The following UPF2 variants were observed in gnomAD, a reference collection of about 807,000 sequenced individuals.
UPF2 encodes UPF2 regulator of nonsense mediated mRNA decay, also known as regulator of nonsense transcripts 2.
UPF2 carries 17 observed loss-of-function variants against 141.4 expected under a neutral mutation model. The ratio of observed to expected loss-of-function variants is 0.12; its 90% CI spans 0.08 to 0.18. The LOEUF is 0.18. UPF2 is among the 10% of genes least tolerant of loss of function. UPF2 has a pLI of 1.00. For missense variants in UPF2, 1,152 were observed against 1,515.9 expected (o/e 0.76, Z 3.99); for synonymous variants, 540 against 498.0 (o/e 1.08, Z -1.12).
chr10:11,960,923 C>A (rs1833230437), intron 11 of UPF2, among the ~76,000 whole-genome samples: 1 of 151,880 alleles, frequency 6.6e-6, no homozygotes, highest in Non-Finnish European at 1.5e-5. Flanking sequence ...GAGACCCTGT[C>A]TCTATAAAAT....
intron 16 of UPF2, among the ~76,000 whole-genome samples, chr10:11,946,925 C>T (rs1263365057): frequency 6.6e-6 from 1 of 152,200 alleles, no homozygotes; most frequent in South Asian, 2.1e-4. Flanking sequence ...GAATCATGGG[C>T]CAAATGCGGC....
At chr10:12,031,168 C>T (rs1163414237) in intron 2 of UPF2, among the ~76,000 whole-genome samples, 1 of 129,710 alleles carries the variant, frequency 7.7e-6, no homozygotes, top group Non-Finnish European at 1.6e-5. Context: ...AGCAAGACTC[C>T]ATCTCAAAAA....
rs1437621923 is a variant in UPF2 at position 11,939,535 on chromosome 10, C to T, written c.3379-2823G>A. Among the ~76,000 whole-genome samples, 6 of 146,888 alleles carry T rather than the reference C, an allele frequency of 4.1e-5. No individual in the cohort carries two copies. Among genetic ancestry groups the T allele is most frequent in the Admixed American group, 1.4e-4 (2 of 14,606 alleles). On this transcript the variant is annotated intron_variant, in intron 18 of 21. Transcript: ENST00000357604. The surrounding 1 kb of genome is among the most constrained non-coding windows in gnomAD (Gnocchi z 4.8). ...GTTTTATCTTTTTTTTTTTTTAAGA[C>T]GAAGTCTCGCTCTTGTCTCCCCCGG...
intron 18 of UPF2, among the ~76,000 whole-genome samples, chr10:11,941,235 G>C (rs1402659474): frequency 3.9e-5 from 6 of 152,130 alleles, no homozygotes; most frequent in African/African-American, 1.4e-4. Flanking sequence ...TGAGTAAATG[G>C]CTACTGATTT....
At chr10:11,963,864 A>G (rs1833277696) in intron 11 of UPF2, 145 bp downstream of exon 11, 3 of 580,604 alleles carry the variant, frequency 5.2e-6, no homozygotes, top group African/African-American at 1.9e-5. Context: ...ATTGCAACTC[A>G]TATGTATGGG....
chr10:11,993,053 G>C (rs928956731), intron 8 of UPF2, among the ~76,000 whole-genome samples: 6 of 151,336 alleles, frequency 4.0e-5, no homozygotes, highest in Non-Finnish European at 7.4e-5. Context: ...GTGAGGCTTA[G>C]GTGGGAGAAT....
At chr10:12,032,600 T>C (rs1288209800) in intron 2 of UPF2, among the ~76,000 whole-genome samples, 1 of 151,966 alleles carries the variant, frequency 6.6e-6, no homozygotes, top group Non-Finnish European at 1.5e-5. Context: ...TAGCCAAGTA[T>C]GGTGGTATGC....
chr10:11,944,271 G>T (rs1021272292), intron 16 of UPF2, among the ~76,000 whole-genome samples: 1 of 152,076 alleles, frequency 6.6e-6, no homozygotes, highest in African/African-American at 2.4e-5. Context: ...CTGAGGTCAG[G>T]GGATCACTTG....
In UPF2 at chr10:11,931,878, C is replaced by G. The variant is rs1370879170; in HGVS notation, c.3547-96G>C. On this transcript the variant is annotated intron_variant, in intron 19 of 21. Coordinates refer to ENST00000357604, the MANE Select transcript of UPF2 (RefSeq NM_015542.4). The surrounding 1 kb of genome is among the most constrained non-coding windows in gnomAD (Gnocchi z 5.9). The stretch of plus-strand genomic sequence containing the variant: ...TAAAATAGCAAGTACAGGCTGGGCA[C>G]GGTGGCTCACGCCTGTAATCCCAGC... The G allele has an allele frequency of 1.5e-6, 2 of 1,372,648 alleles. No homozygotes were observed. Among genetic ancestry groups the G allele is most frequent in the Non-Finnish European group, 2.0e-6 (2 of 1,018,962 alleles). 85.0% of individuals were successfully genotyped at this position (1,372,648 alleles called of 1,614,324 possible).
intron 15 of UPF2, among the ~76,000 whole-genome samples, chr10:11,950,764 T>C (rs1284854995): frequency 6.6e-6 from 1 of 152,164 alleles, no homozygotes; most frequent in Non-Finnish European, 1.5e-5. Context: ...TGTATTCAAT[T>C]AGAAATTTCA....
Position 11,959,055 on chromosome 10 carries a change from A to C in UPF2, c.2370+116T>G. The C allele has an allele frequency of 2.1e-6, 2 of 937,080 alleles. No individual in the cohort carries two copies. Among genetic ancestry groups the C allele is most frequent in the Non-Finnish European group, 3.0e-6 (2 of 675,370 alleles). The allele number at this position is 937,080 out of a possible 1,614,324, so 58.0% of individuals were successfully genotyped here. On this transcript the variant is annotated intron_variant, in intron 12 of 21. Transcript: ENST00000357604. This position sits in a 1 kb window ranked among gnomAD's most constrained non-coding sequence, Gnocchi z 5.9. The stretch of plus-strand genomic sequence containing the variant: ...AATTCCTTCTTAGGGTGACTTACAC[A>C]GAGCTGATTATAAAGGAACTTGAGC...
intron 14 of UPF2, among the ~76,000 whole-genome samples, chr10:11,952,922 G>A (rs930629921): frequency 1.3e-5 from 2 of 152,076 alleles, no homozygotes; most frequent in African/African-American, 4.8e-5. Context: ...CAAAGCCATC[G>A]TTGTGATAAT....
intron 1 of UPF2, among the ~76,000 whole-genome samples, chr10:12,039,006 T>C (rs996918854): frequency 3.9e-5 from 6 of 152,070 alleles, no homozygotes; most frequent in African/African-American, 9.7e-5. Flanking sequence ...TTGATTCTTA[T>C]ACATTTTCAA....
intron 4 of UPF2, among the ~76,000 whole-genome samples, chr10:12,006,160 A>G (rs1188397825): frequency 1.3e-5 from 2 of 152,202 alleles, no homozygotes; most frequent in Non-Finnish European, 2.9e-5. Context: ...GATTACAGGC[A>G]TGCGTGACCA....
chr10:11,950,238 A>G (rs1481213921), intron 15 of UPF2, among the ~76,000 whole-genome samples: 1 of 152,154 alleles, frequency 6.6e-6, no homozygotes, highest in Non-Finnish European at 1.5e-5. Context: ...GTGTTTTCCA[A>G]TTAACTATTA....
At chr10:11,929,811 T>G in intron 21 of UPF2, 54 bp downstream of exon 21, 1 of 1,576,370 alleles carries the variant, frequency 6.3e-7, no homozygotes, top group Non-Finnish European at 8.6e-7. Flanking sequence ...CCTAATTTAT[T>G]CTTATGGACA....
chr10:12,010,304 C>T (rs1648820784), intron 4 of UPF2, among the ~76,000 whole-genome samples: 1 of 152,140 alleles, frequency 6.6e-6, no homozygotes, highest in African/African-American at 2.4e-5. Flanking sequence ...TCAATTGAAA[C>T]CAACTCGGAA....
chr10:11,978,385 C>CA (rs1419264938), intron 9 of UPF2, among the ~76,000 whole-genome samples: 1 of 152,188 alleles, frequency 6.6e-6, no homozygotes, highest in African/African-American at 2.4e-5. Flanking sequence ...CTGGCAGTAT[C>CA]ATTTCCCCAC....
At chr10:11,971,971 G>A (rs1422745053) in intron 9 of UPF2, among the ~76,000 whole-genome samples, 1 of 151,324 alleles carries the variant, frequency 6.6e-6, no homozygotes, top group African/African-American at 2.4e-5. Flanking sequence ...GGTTGAGGCA[G>A]GAGAATCACT....
Sources: allele counts gnomAD v4.1 joint callset (sites outside exome capture counted in the v4.1 genomes callset), GRCh38; gene constraint gnomAD v4.1.1; non-coding constraint Gnocchi (gnomAD v3.1); transcripts MANE v1.5; gene names NCBI Gene and HGNC (gene_info 2026-07-23, HGNC 2026-07-21).